XKR6: variants seen among roughly 807,000 people sequenced by gnomAD.
XKR6 encodes the protein XK-related protein 6.
In XKR6, 22 loss-of-function variants were observed where a neutral mutation model predicts 56.7. The observed-to-expected ratio is 0.39, with a 90% CI of 0.28 to 0.55. The LOEUF is 0.55. XKR6 is among the 20% of genes least tolerant of loss of function. The probability of loss-of-function intolerance (pLI) is 0.66; values close to 1 mark genes in which losing one functional copy is unlikely to be tolerated. For missense variants in XKR6, 852 were observed against 889.0 expected, an observed-to-expected ratio of 0.96 and a Z score of 0.53; for synonymous variants, 524 against 387.8, an observed-to-expected ratio of 1.35 and a Z score of -4.13.
chr8:11,029,350 T>G (rs1178021785), intron 1 of XKR6, among the ~76,000 whole-genome samples: 1 of 152,190 alleles, frequency 6.6e-6, no homozygotes, highest in Non-Finnish European at 1.5e-5. Flanking sequence ...CTGACTGTGT[T>G]TCCCCAGATC....
intron 1 of XKR6, among the ~76,000 whole-genome samples, chr8:11,149,549 A>G (rs1171026714): frequency 6.6e-6 from 1 of 152,188 alleles, no homozygotes; most frequent in Non-Finnish European, 1.5e-5. Flanking sequence ...ATACTTTTGT[A>G]ATATGAAAAA....
At chr8:11,194,109 A>G (rs1269720429) in intron 1 of XKR6, among the ~76,000 whole-genome samples, 1 of 152,240 alleles carries the variant, frequency 6.6e-6, no homozygotes, top group Non-Finnish European at 1.5e-5. Context: ...CCTAGGAGAC[A>G]TACACACTTG....
intron 1 of XKR6, among the ~76,000 whole-genome samples, chr8:11,142,786 T>C (rs925022593): frequency 1.1e-4 from 17 of 152,224 alleles, no homozygotes; most frequent in African/African-American, 3.1e-4. Flanking sequence ...GGTATTTCTT[T>C]ATAGCAACAC....
intron 2 of XKR6, among the ~76,000 whole-genome samples, chr8:10,903,120 G>A (rs979855527): frequency 2.0e-5 from 3 of 152,180 alleles, no homozygotes; most frequent in South Asian, 4.1e-4. Context: ...GTGCATCGAT[G>A]AACATGTCTT....
intron 1 of XKR6, among the ~76,000 whole-genome samples, chr8:10,944,646 G>C (rs1801480646): frequency 1.3e-5 from 2 of 152,138 alleles, no homozygotes; most frequent in South Asian, 4.1e-4. Context: ...TAGGCTCTGA[G>C]TATGAGAACA....
chr8:11,021,172 A>C (rs1471313999), intron 1 of XKR6, among the ~76,000 whole-genome samples: 1 of 152,196 alleles, frequency 6.6e-6, no homozygotes, highest in Non-Finnish European at 1.5e-5. Context: ...CTCAGACCAG[A>C]AACTCTGTGT....
intron 1 of XKR6, among the ~76,000 whole-genome samples, chr8:10,955,332 C>T (rs1172165607): frequency 6.6e-6 from 1 of 152,112 alleles, no homozygotes; most frequent in Non-Finnish European, 1.5e-5. Context: ...GCCGACATGC[C>T]CAGCTAATTT....
At chr8:11,196,188 C>T (rs182960860) in intron 1 of XKR6, among the ~76,000 whole-genome samples, 1 of 152,080 alleles carries the variant, frequency 6.6e-6, no homozygotes, top group African/African-American at 2.4e-5. Flanking sequence ...ATTAGAGGGA[C>T]ATTACAGATC....
intron 1 of XKR6, among the ~76,000 whole-genome samples, chr8:11,187,428 A>G (rs1267129571): frequency 1.3e-5 from 2 of 152,194 alleles, no homozygotes; most frequent in African/African-American, 2.4e-5. Context: ...ATTCAAAAAC[A>G]TGTCAGAACT....
chr8:10,969,943 TG>T (rs1802353049), intron 1 of XKR6, among the ~76,000 whole-genome samples: 1 of 152,254 alleles, frequency 6.6e-6, no homozygotes, highest in African/African-American at 2.4e-5. Flanking sequence ...AGCTCCCATG[TG>T]GGGTCTCTAC....
At chr8:10,921,386 G>T (rs983321900) in intron 2 of XKR6, among the ~76,000 whole-genome samples, 8 of 152,204 alleles carry the variant, frequency 5.3e-5, no homozygotes, top group Admixed American at 2.6e-4. Flanking sequence ...CAGCAGGTCT[G>T]GCCCATGGCG....
chr8:11,200,852 C>G lies in XKR6; in HGVS notation c.488G>C (p.Gly163Ala), dbSNP rs200039205. 10 of 1,612,004 alleles carry G rather than the reference C, an allele frequency of 6.2e-6. No homozygotes were observed. The highest frequency in any genetic ancestry group is 2.2e-5 in the East Asian group (1 of 44,760). ...YYRKGDYVYF[G>A]LTLFFVLVPS... is the part of the protein sequence containing the mutation. ...CACCAGCACGAAGAAGAGGGTCAGC[C>G]CGAAGTAGACGTAGTCCCCCTTGCG... is the stretch of plus-strand genomic sequence containing the variant. The change falls in exon 1 of 3, where the codon GGG (glycine) becomes GCG (alanine). Residue 163 changes from glycine (G) to alanine (A), a missense_variant. Gly to Ala is a moderately conservative substitution (Grantham distance 60). This residue lies in a region of XKR6 where 417 missense variants were observed against 355.2 expected (regional missense o/e 1.17). Transcript: ENST00000416569. This position sits in a 1 kb window ranked among gnomAD's most constrained non-coding sequence, Gnocchi z 6.4.
At chr8:10,956,786 G>T (rs1157792270) in intron 1 of XKR6, among the ~76,000 whole-genome samples, 2 of 152,120 alleles carry the variant, frequency 1.3e-5, no homozygotes, top group African/African-American at 4.8e-5. Flanking sequence ...GGACAGAAGG[G>T]GATTGAACTA....
chr8:11,066,746 G>C (rs916529036), intron 1 of XKR6: 3 of 152,230 alleles, frequency 2.0e-5, no homozygotes, highest in African/African-American at 4.8e-5. Flanking sequence ...AGATGAGGCA[G>C]CTGAGGCTCA....
At position 11,201,317 on chromosome 8, in the gene XKR6, C is replaced by T; in HGVS notation, c.23G>A (p.Gly8Asp). The change falls in exon 1 of 3, where the codon GGT becomes GAT. Residue 8 changes from glycine to aspartate, a missense_variant. Gly to Asp is a moderately conservative substitution (Grantham distance 94). This residue lies in a region of XKR6 where 417 missense variants were observed against 355.2 expected (regional missense o/e 1.17). Transcript: ENST00000416569. ...CTGAGCGAAGCCCACCCCCACGCCACCGCCATCGGATTTCGCCGCCATCTT... is the reference window on the plus strand; with the variant it reads ...CTGAGCGAAGCCCACCCCCACGCCATCGCCATCGGATTTCGCCGCCATCTT... Reference protein sequence around the residue: MAAKSDGGGVGVGFAQLH... With the variant: MAAKSDGDGVGVGFAQLH... 2 of 1,575,170 alleles carry T rather than the reference C, an allele frequency of 1.3e-6. No individual in the cohort carries two copies. The highest frequency in any genetic ancestry group is 1.4e-5 in the African/African-American group (1 of 71,828).
chr8:10,938,338 GA>G (rs746625292), intron 1 of XKR6, among the ~76,000 whole-genome samples: 63 of 152,184 alleles, frequency 4.1e-4, no homozygotes, highest in Non-Finnish European at 7.1e-4. Flanking sequence ...ACCTCAGATG[GA>G]AATGCAGAAA....
At chr8:10,932,791 T>A (rs1801098726) in intron 1 of XKR6, among the ~76,000 whole-genome samples, 2 of 127,698 alleles carry the variant, frequency 1.6e-5, no homozygotes, top group African/African-American at 6.4e-5. Flanking sequence ...TTCCATGGTG[T>A]ATATGTGCCA....
intron 1 of XKR6, among the ~76,000 whole-genome samples, chr8:11,116,075 TC>T (rs2129181538): frequency 6.6e-6 from 1 of 152,310 alleles, no homozygotes; most frequent in African/African-American, 2.4e-5. Context: ...AAAGTACATT[TC>T]CCACGGATGT....
intron 1 of XKR6, among the ~76,000 whole-genome samples, chr8:11,197,327 T>TG (rs1484111215): frequency 1.3e-5 from 2 of 152,172 alleles, no homozygotes. Context: ...GAACTGACAA[T>TG]GCACTAAGCA....
Sources: allele counts gnomAD v4.1 joint callset (sites outside exome capture counted in the v4.1 genomes callset), GRCh38; gene constraint gnomAD v4.1.1; regional missense constraint gnomAD v4.1.1; non-coding constraint Gnocchi (gnomAD v3.1); transcripts MANE v1.5; gene names NCBI Gene and HGNC (gene_info 2026-07-23, HGNC 2026-07-21).